Variants in MMP16 observed in about 807,000 individuals in gnomAD.
The protein encoded by MMP16 is matrix metallopeptidase 16.
Under a neutral mutation model 67.8 loss-of-function variants are expected in MMP16, and 12 were observed. That is an observed-to-expected ratio of 0.18 (90% confidence interval 0.11 to 0.29). MMP16 has a LOEUF of 0.29. MMP16 is among the 10% of genes least tolerant of loss of function. The pLI is 1.00. For missense variants in MMP16, 475 were observed against 765.7 expected, an observed-to-expected ratio of 0.62 and a Z score of 4.48; for synonymous variants, 249 against 255.9, an observed-to-expected ratio of 0.97 and a Z score of 0.26.
chr8:88,166,644 C>G (rs1335680915), intron 4 of MMP16, among the ~76,000 whole-genome samples: 1 of 123,068 alleles, frequency 8.1e-6, no homozygotes, highest in African/African-American at 3.0e-5. Flanking sequence ...GATTGGGAGA[C>G]CAATGAAATG....
intron 8 of MMP16, among the ~76,000 whole-genome samples, chr8:88,055,087 A>G (rs1311196305): frequency 6.6e-6 from 1 of 152,078 alleles, no homozygotes; most frequent in Non-Finnish European, 1.5e-5. Flanking sequence ...ATTTTTAAAT[A>G]TTTATTTAAA....
intron 1 of MMP16, among the ~76,000 whole-genome samples, chr8:88,286,343 G>A (rs2130006126): frequency 6.6e-6 from 1 of 152,086 alleles, no homozygotes; most frequent in African/African-American, 2.4e-5. Context: ...CCTTGGCTTT[G>A]GTTACCTCCT....
At chr8:88,146,861 C>A (rs1808301624) in intron 4 of MMP16, among the ~76,000 whole-genome samples, 1 of 151,588 alleles carries the variant, frequency 6.6e-6, no homozygotes, top group Non-Finnish European at 1.5e-5. Flanking sequence ...AAACTTTTCC[C>A]CAACTGTTTG....
At chr8:88,190,628 A>G (rs1809155539) in intron 2 of MMP16, among the ~76,000 whole-genome samples, 1 of 152,226 alleles carries the variant, frequency 6.6e-6, no homozygotes, top group Non-Finnish European at 1.5e-5. Context: ...GCATTCAAAT[A>G]TCAATTTGAT....
intron 4 of MMP16, among the ~76,000 whole-genome samples, chr8:88,128,006 G>A (rs1188305266): frequency 6.6e-6 from 1 of 151,796 alleles, no homozygotes; most frequent in African/African-American, 2.4e-5. Flanking sequence ...TTTGAGGAAG[G>A]GCATTGAGCT....
chr8:88,048,285 T>C (rs543573316), intron 8 of MMP16, among the ~76,000 whole-genome samples: 1 of 152,250 alleles, frequency 6.6e-6, no homozygotes, highest in East Asian at 1.9e-4. Context: ...GAGTTAGAAC[T>C]CTCAGACTCT....
intron 1 of MMP16, among the ~76,000 whole-genome samples, chr8:88,223,519 A>G (rs1809719554): frequency 1.3e-5 from 2 of 152,056 alleles, no homozygotes. Flanking sequence ...AGCCGTAAAA[A>G]GGATGAGTTC....
At chr8:88,107,430 T>C (rs1423772652) in intron 6 of MMP16, among the ~76,000 whole-genome samples, 1 of 151,060 alleles carries the variant, frequency 6.6e-6, no homozygotes, top group East Asian at 1.9e-4. Context: ...TTCATTCAAA[T>C]ACATGGAAAT....
rs904458386 is a variant in MMP16, at chr8:88,056,017, T to G, written c.1373+111A>C. ...CAATTTTTAATTGCATTAACTCCTGTGTTAAATCCACCAGGATTCTTCAAC... is the reference window on the plus strand; with the variant it reads ...CAATTTTTAATTGCATTAACTCCTGGGTTAAATCCACCAGGATTCTTCAAC... On this transcript the variant is annotated intron_variant, in intron 8 of 9. Coordinates refer to ENST00000286614, the MANE Select transcript of MMP16 (RefSeq NM_005941.5). The G allele has an allele frequency of 1.8e-5, 13 of 733,058 alleles. No homozygotes were observed. In the African/African-American group the frequency reaches 2.4e-4, roughly 13 times the overall value. The allele number at this position is 733,058 out of a possible 1,614,324, so 45.4% of individuals were successfully genotyped here. A position where few individuals can be genotyped will look rare whatever the true frequency, so the allele number is the denominator to read the frequency against.
chr8:88,104,114 C>A (rs1173062045), intron 6 of MMP16, among the ~76,000 whole-genome samples: 1 of 151,596 alleles, frequency 6.6e-6, no homozygotes, highest in African/African-American at 2.4e-5. Context: ...ATTTATAAAG[C>A]TTCTTTTATA....
At chr8:88,214,549 T>C (rs1204225724) in intron 1 of MMP16, among the ~76,000 whole-genome samples, 7 of 152,156 alleles carry the variant, frequency 4.6e-5, no homozygotes, top group Admixed American at 4.6e-4. Context: ...GTGTTTAACA[T>C]GATGTTTTGA....
chr8:88,069,415 C>A, intron 7 of MMP16: 1 of 525,592 alleles, frequency 1.9e-6, no homozygotes, highest in Non-Finnish European at 3.9e-6. Context: ...TTGTGCTTTT[C>A]AGTTTGTCTT....
intron 6 of MMP16, among the ~76,000 whole-genome samples, chr8:88,083,254 AT>A (rs1360023148): frequency 6.6e-6 from 1 of 152,068 alleles, no homozygotes; most frequent in East Asian, 1.9e-4. Context: ...AATTTTCACA[AT>A]TTCTTAATTT....
At chr8:88,172,986 A>G (rs2129716622) in intron 3 of MMP16, among the ~76,000 whole-genome samples, 1 of 152,332 alleles carries the variant, frequency 6.6e-6, no homozygotes, top group East Asian at 1.9e-4. Context: ...TTATCATTAG[A>G]TCAAAACAAT....
At chr8:88,103,891 G>C (rs567312003) in intron 6 of MMP16, among the ~76,000 whole-genome samples, 1 of 151,756 alleles carries the variant, frequency 6.6e-6, no homozygotes, top group Admixed American at 6.6e-5. Context: ...ATTTCCACTT[G>C]AGATTAATGC....
intron 4 of MMP16, among the ~76,000 whole-genome samples, chr8:88,124,556 T>C (rs1435310627): frequency 6.6e-6 from 1 of 151,970 alleles, no homozygotes; most frequent in African/African-American, 2.4e-5. Flanking sequence ...AAGGCTCTAC[T>C]GAGCATCCTA....
chr8:88,033,116 T>G lies in MMP16; in HGVS notation c.*8345A>C, dbSNP rs1808007058. On this transcript the variant is annotated 3_prime_UTR_variant, in exon 10 of 10. Transcript: ENST00000286614. ...TAACCACAATATAGAAAGGAAAAAA[T>G]TAGTTTCACAAGAAGCTATAAAATG... The G allele has an allele frequency of 6.6e-6, 1 of 151,874 alleles. No individual in the cohort carries two copies. 9.4% of individuals were successfully genotyped at this position (151,874 alleles called of 1,614,324 possible).
At chr8:88,116,402 T>G (rs1809435036) in intron 6 of MMP16, 105 bp downstream of exon 6, 2 of 973,912 alleles carry the variant, frequency 2.1e-6, no homozygotes, top group Non-Finnish European at 3.0e-6. Flanking sequence ...TTTCTAACTG[T>G]GAGAGGGCTG....
At chr8:88,082,853 A>C (rs1264162395) in intron 6 of MMP16, among the ~76,000 whole-genome samples, 1 of 151,860 alleles carries the variant, frequency 6.6e-6, no homozygotes, top group Non-Finnish European at 1.5e-5. Flanking sequence ...AAGGCAAAAA[A>C]AGCATGTGCT....
Sources: allele counts gnomAD v4.1 joint callset (sites outside exome capture counted in the v4.1 genomes callset), GRCh38; gene constraint gnomAD v4.1.1; transcripts MANE v1.5; gene names NCBI Gene and HGNC (gene_info 2026-07-23, HGNC 2026-07-21).